Variants in CHD9 observed in about 807,000 individuals in gnomAD.
CHD9 encodes the protein ATP-dependent chromatin remodeler CHD9.
A neutral mutation model predicts 316.1 loss-of-function variants in CHD9; 77 were observed. The ratio of observed to expected loss-of-function variants is 0.24; its 90% CI spans 0.20 to 0.29. The LOEUF (loss-of-function observed/expected upper bound fraction) is 0.29. CHD9 is among the 10% of genes least tolerant of loss of function. The pLI is 1.00. For missense variants in CHD9, 2,763 were observed against 3,438.1 expected (o/e 0.80, Z 4.91); for synonymous variants, 1,129 against 1,158.3 (o/e 0.97, Z 0.51).
At chr16:53,249,473 T>C (rs1007871973) in intron 16 of CHD9, among the ~76,000 whole-genome samples, 7 of 152,126 alleles carry the variant, frequency 4.6e-5, no homozygotes, top group African/African-American at 1.7e-4. Flanking sequence ...CAGTCGAGAG[T>C]AACATGGATT....
At chr16:53,283,043 G>C (rs185295071) in intron 24 of CHD9, among the ~76,000 whole-genome samples, 10 of 152,042 alleles carry the variant, frequency 6.6e-5, no homozygotes, top group African/African-American at 1.9e-4. Context: ...TTCTCCAATG[G>C]GCCATGATTA....
chr16:53,202,998 C>T (rs2045588543), intron 2 of CHD9, among the ~76,000 whole-genome samples: 2 of 151,990 alleles, frequency 1.3e-5, no homozygotes, highest in African/African-American at 2.4e-5. Context: ...GTTTTTTTCT[C>T]TTTTCTCTTT....
chr16:53,117,366 A>G (rs1212749635), intron 1 of CHD9, among the ~76,000 whole-genome samples: 2 of 152,060 alleles, frequency 1.3e-5, no homozygotes, highest in African/African-American at 4.8e-5. Context: ...AATACAGACT[A>G]TTCATGTGGC....
chr16:53,242,932 A>G lies in CHD9; in HGVS notation c.2970A>G (p.Glu990=). The G allele has an allele frequency of 6.2e-7, 1 of 1,613,420 alleles. No homozygotes were observed. The highest frequency in any genetic ancestry group is 8.5e-7 in the Non-Finnish European group (1 of 1,179,474). ...LGGCGELNAI[E]WRCVIIDEAH... ...GCTGTGGAGAGCTTAATGCAATTGA[A>G]TGGCGATGTGTGATTATTGATGAAG... Residue 990 remains glutamate (E), a synonymous_variant, in exon 13 of 39, where the codon GAA becomes GAG. Transcript: ENST00000447540.
chr16:53,109,677 C>CTTTTTTTTTTTTTTTT (rs1166073629), intron 1 of CHD9, among the ~76,000 whole-genome samples: 3 of 71,594 alleles, frequency 4.2e-5, no homozygotes, highest in African/African-American at 5.9e-5. Flanking sequence ...TTCCCAGTTT[C>CTTTTTTTTTTTTTTTT]TTTTTTTTTT....
At chr16:53,121,372 G>C in intron 1 of CHD9, 1 of 456,022 alleles carries the variant, frequency 2.2e-6, no homozygotes. Context: ...TGAGATGCTC[G>C]GGGATATTTT....
chr16:53,323,242 C>A (rs1165529433), intron 38 of CHD9, among the ~76,000 whole-genome samples: 1 of 152,132 alleles, frequency 6.6e-6, no homozygotes, highest in East Asian at 1.9e-4. Context: ...AGATTATGTT[C>A]TATTAAATAG....
At chr16:53,112,107 A>G (rs1174640367) in intron 1 of CHD9, among the ~76,000 whole-genome samples, 1 of 152,242 alleles carries the variant, frequency 6.6e-6, no homozygotes, top group Non-Finnish European at 1.5e-5. Flanking sequence ...TTGAGAAATC[A>G]GGCAACAGCA....
At chr16:53,222,001 AAAAC>A (rs1184077856) in intron 3 of CHD9, among the ~76,000 whole-genome samples, 1 of 152,140 alleles carries the variant, frequency 6.6e-6, no homozygotes. Flanking sequence ...TTAAGCCTAA[AAAAC>A]AAATAAGACT....
At chr16:53,131,297 C>A in intron 1 of CHD9, 1 of 126,024 alleles carries the variant, frequency 7.9e-6, no homozygotes, top group Non-Finnish European at 1.6e-5. Flanking sequence ...CAGCGAGCGG[C>A]GGTGAGTACG....
intron 2 of CHD9, among the ~76,000 whole-genome samples, chr16:53,174,940 G>A (rs1031121648): frequency 6.6e-6 from 1 of 152,028 alleles, no homozygotes; most frequent in South Asian, 2.1e-4. Context: ...TTTTGTTCTG[G>A]GATGCAGTTA....
chr16:53,247,810 A>C (rs1404060322), intron 16 of CHD9: 1 of 231,478 alleles, frequency 4.3e-6, no homozygotes, highest in African/African-American at 2.3e-5. Context: ...TGAAACTTTA[A>C]ATAGATATAT....
At chr16:53,173,608 G>A (rs2042917986) in intron 2 of CHD9, among the ~76,000 whole-genome samples, 1 of 151,680 alleles carries the variant, frequency 6.6e-6, no homozygotes, top group Non-Finnish European at 1.5e-5. Flanking sequence ...GCAGTGGCGC[G>A]ATCTCAGCTC....
At chr16:53,064,245 G>A (rs2033268945) in intron 1 of CHD9, among the ~76,000 whole-genome samples, 1 of 152,162 alleles carries the variant, frequency 6.6e-6, no homozygotes, top group Non-Finnish European at 1.5e-5. Flanking sequence ...CAGATCTTCT[G>A]TGCTCTAGAT....
rs1737737351 is a variant in CHD9, at chr16:53,156,830, T to C, written c.741T>C (p.His247=). 1.2e-6 allele frequency: 2 copies of C among 1,613,818 alleles called. No individual in the cohort carries two copies. The highest frequency in any genetic ancestry group is 1.7e-6 in the Non-Finnish European group (2 of 1,179,872). The change falls in exon 2 of 39, where the codon CAT becomes CAC. Residue 247 remains histidine, a synonymous_variant. Coordinates refer to ENST00000447540, the MANE Select transcript of CHD9 (RefSeq NM_001308319.2). The part of the protein sequence containing the change: ...PSAHFHKCSS[H]QEGNFNGPSP... The stretch of plus-strand genomic sequence containing the variant: ...CACACTTCCACAAGTGTAGCAGTCA[T>C]CAAGAAGGAAATTTTAATGGACCTT...
intron 1 of CHD9, among the ~76,000 whole-genome samples, chr16:53,126,610 T>C (rs1337700101): frequency 7.3e-6 from 1 of 136,164 alleles, no homozygotes; most frequent in African/African-American, 2.7e-5. Context: ...TTTTTTGAGA[T>C]AGGGTTTCTC....
At chr16:53,263,463 A>G (rs2051341082) in intron 20 of CHD9, among the ~76,000 whole-genome samples, 1 of 152,118 alleles carries the variant, frequency 6.6e-6, no homozygotes, top group African/African-American at 2.4e-5. Flanking sequence ...ATAAGAGGAG[A>G]AAAAAAGCAG....
Position 53,157,121 on chromosome 16 carries a change from T to C in CHD9, c.1032T>C (p.His344=). 1 of 1,610,954 alleles carries C rather than the reference T, an allele frequency of 6.2e-7. No individual in the cohort carries two copies. ...SNNFQILHSS[H]PQGNYSNSKL... ...ATTTCCAAATATTGCATTCATCACA[T>C]CCTCAGGGTAATTATAGCAATTCAA... The change falls in exon 2 of 39, where the codon CAT becomes CAC. Residue 344 remains histidine, a synonymous_variant. Transcript: ENST00000447540.
At chr16:53,111,027 T>A (rs1484618364) in intron 1 of CHD9, among the ~76,000 whole-genome samples, 4 of 152,290 alleles carry the variant, frequency 2.6e-5, no homozygotes, top group South Asian at 2.1e-4. Flanking sequence ...GCCCCACCTA[T>A]TTAACCAATA....
Sources: gnomAD v4.1 joint callset for allele counts (sites outside exome capture counted in the v4.1 genomes callset) on GRCh38, gnomAD v4.1.1 for gene constraint, MANE v1.5 for transcripts, NCBI Gene and HGNC (gene_info 2026-07-23, HGNC 2026-07-21) for gene names.